ANKS1B: variants seen among roughly 807,000 people sequenced by gnomAD.
ANKS1B encodes ankyrin repeat and sterile alpha motif domain-containing protein 1B.
ANKS1B carries 36 observed loss-of-function variants against 148.3 expected under a neutral mutation model. The ratio of observed to expected loss-of-function variants is 0.24; its 90% CI spans 0.19 to 0.32. The LOEUF (loss-of-function observed/expected upper bound fraction) is 0.32, where lower values mean the gene tolerates loss of function less well. Among genes scored for constraint, ANKS1B ranks in the 10% least tolerant of loss-of-function variants. The pLI is 1.00. For synonymous variants in ANKS1B, 542 were observed against 560.8 expected (o/e 0.97, Z 0.47); for missense variants, 1,157 against 1,542.6 (o/e 0.75, Z 4.19).
At chr12:99,690,176 G>A (rs1158040039) in intron 8 of ANKS1B, among the ~76,000 whole-genome samples, 2 of 152,050 alleles carry the variant, frequency 1.3e-5, no homozygotes, top group African/African-American at 4.8e-5. Flanking sequence ...CAGCATAGGG[G>A]AAACCGCCGC....
chr12:99,163,568 A>G (rs1038689775), intron 14 of ANKS1B, among the ~76,000 whole-genome samples: 5 of 152,040 alleles, frequency 3.3e-5, no homozygotes, highest in Admixed American at 2.0e-4. Flanking sequence ...CGAGACACCG[A>G]CAGCACCATC....
chr12:99,010,764 T>G (rs1251666177), intron 17 of ANKS1B, among the ~76,000 whole-genome samples: 1 of 151,446 alleles, frequency 6.6e-6, no homozygotes, highest in African/African-American at 2.4e-5. Context: ...ATTATTATTT[T>G]TTTTTGAGAC....
At chr12:99,754,204 T>C (rs770048355) in intron 8 of ANKS1B, among the ~76,000 whole-genome samples, 5 of 152,014 alleles carry the variant, frequency 3.3e-5, no homozygotes, top group Non-Finnish European at 7.4e-5. Context: ...AAGCAAGGGT[T>C]GCTATTCTTA....
At chr12:98,920,453 C>A (rs11109671) in intron 17 of ANKS1B, among the ~76,000 whole-genome samples, 10,752 of 152,230 alleles carry the variant, frequency 0.071, 779 homozygotes, top group South Asian at 0.25. Context: ...GCTGGGAGGC[C>A]TCACAATCAT....
At chr12:99,720,480 G>C (rs887671566) in intron 8 of ANKS1B, among the ~76,000 whole-genome samples, 1 of 152,086 alleles carries the variant, frequency 6.6e-6, no homozygotes, top group African/African-American at 2.4e-5. Context: ...AGTTTTTCAG[G>C]CTCTTGGTAT....
At chr12:99,790,113 AG>A (rs1215518047) in intron 4 of ANKS1B, among the ~76,000 whole-genome samples, 3 of 152,338 alleles carry the variant, frequency 2.0e-5, no homozygotes, top group African/African-American at 7.2e-5. Flanking sequence ...TCCTAAAAGC[AG>A]TAAGAGAAAA....
chr12:99,583,858 G>A (rs903853646), intron 9 of ANKS1B, among the ~76,000 whole-genome samples: 7 of 152,088 alleles, frequency 4.6e-5, no homozygotes, highest in East Asian at 1.9e-4. Context: ...ACATAGATTC[G>A]CATATATGTT....
chr12:99,487,980 T>A (rs2096515965), intron 10 of ANKS1B, among the ~76,000 whole-genome samples: 1 of 152,202 alleles, frequency 6.6e-6, no homozygotes, highest in African/African-American at 2.4e-5. Context: ...TGGCTTTTAA[T>A]GTTTCAAGGC....
intron 9 of ANKS1B, among the ~76,000 whole-genome samples, chr12:99,519,949 G>A (rs1181401399): frequency 6.6e-6 from 1 of 151,922 alleles, no homozygotes; most frequent in Admixed American, 6.6e-5. Context: ...AACTAATGAA[G>A]GCTCTACACT....
chr12:98,768,500 C>T (rs1593135862), intron 25 of ANKS1B, among the ~76,000 whole-genome samples: 1 of 147,018 alleles, frequency 6.8e-6, no homozygotes, highest in African/African-American at 2.5e-5. Context: ...TTTGGGAGGC[C>T]GAGGCGGGCG....
chr12:99,762,273 C>T (rs939549993), intron 8 of ANKS1B, among the ~76,000 whole-genome samples: 8 of 152,082 alleles, frequency 5.3e-5, no homozygotes, highest in Non-Finnish European at 1.0e-4. Flanking sequence ...AGAGGCATCA[C>T]ATTTCCCAAC....
chr12:99,146,455 G>A (rs1457246578), intron 15 of ANKS1B, among the ~76,000 whole-genome samples: 8 of 152,116 alleles, frequency 5.3e-5, no homozygotes, highest in Admixed American at 3.9e-4. Context: ...GGTGAAGAAG[G>A]AAGAAAAAGG....
At position 99,453,061 on chromosome 12, in the gene ANKS1B, T is replaced by C. The variant is rs561180266; in HGVS notation, c.1439-9252A>G. Among the ~76,000 whole-genome samples, 957 of 152,136 alleles carry C rather than the reference T, an allele frequency of 6.3e-3. 6 individuals carry two copies. Among genetic ancestry groups the C allele is most frequent in the Middle Eastern group, 0.01 (3 of 294 alleles). ...ATCCTAGCACTTTGGGAGGCCAAGG[T>C]GGGCGGATCACAAGGTCAGGAGATC... On this transcript the variant is annotated intron_variant, in intron 10 of 26. Transcript: ENST00000683438.
At chr12:99,206,704 T>A (rs1364060506) in intron 14 of ANKS1B, among the ~76,000 whole-genome samples, 1 of 152,186 alleles carries the variant, frequency 6.6e-6, no homozygotes, top group Non-Finnish European at 1.5e-5. Context: ...GCACAGAGAA[T>A]GTTTTCTTTG....
intron 14 of ANKS1B, among the ~76,000 whole-genome samples, chr12:99,205,730 T>G (rs1297707488): frequency 6.6e-6 from 1 of 152,202 alleles, no homozygotes. Context: ...GAGAAGGTGC[T>G]TGACCTTTGG....
At chr12:98,852,973 T>C (rs1374933372) in intron 17 of ANKS1B, among the ~76,000 whole-genome samples, 6 of 152,136 alleles carry the variant, frequency 3.9e-5, no homozygotes, top group Non-Finnish European at 8.8e-5. Flanking sequence ...TTGAAAAATA[T>C]AAAGCGTTCT....
intron 19 of ANKS1B, among the ~76,000 whole-genome samples, chr12:98,821,703 G>A (rs2099194034): frequency 6.6e-6 from 1 of 152,112 alleles, no homozygotes; most frequent in Admixed American, 6.5e-5. Context: ...CGCCTCCTGG[G>A]TTCAAGTGGT....
chr12:99,142,492 TG>T (rs2071269211), intron 15 of ANKS1B, among the ~76,000 whole-genome samples: 1 of 151,790 alleles, frequency 6.6e-6, no homozygotes, highest in Non-Finnish European at 1.5e-5. Flanking sequence ...AGGAAGGTTT[TG>T]AAAAAAAATC....
chr12:99,447,831 C>T (rs1053543980), intron 10 of ANKS1B, among the ~76,000 whole-genome samples: 4 of 151,766 alleles, frequency 2.6e-5, no homozygotes, highest in African/African-American at 4.8e-5. Context: ...TACAAATGGC[C>T]GACAGGTATA....
Sources: allele counts gnomAD v4.1 joint callset (sites outside exome capture counted in the v4.1 genomes callset), GRCh38; gene constraint gnomAD v4.1.1; transcripts MANE v1.5; gene names NCBI Gene and HGNC (gene_info 2026-07-23, HGNC 2026-07-21).